DHX32: variants seen among roughly 807,000 people sequenced by gnomAD.
The protein encoded by DHX32 is putative pre-mRNA-splicing factor ATP-dependent RNA helicase DHX32.
A neutral mutation model predicts 70.0 loss-of-function variants in DHX32; 51 were observed. That is an observed-to-expected ratio of 0.73 (90% CI 0.58 to 0.92). The LOEUF is 0.92. Among genes scored for constraint, DHX32 ranks in the 40% least tolerant of loss-of-function variants. DHX32 has a pLI of 0.00. For synonymous variants in DHX32, 310 were observed against 315.3 expected, an observed-to-expected ratio of 0.98 and a Z score of 0.18; for missense variants, 762 against 891.8, an observed-to-expected ratio of 0.85 and a Z score of 1.85.
intron 6 of DHX32, among the ~76,000 whole-genome samples, chr10:125,851,936 A>G (rs915666719): frequency 5.9e-5 from 9 of 151,552 alleles, no homozygotes; most frequent in African/African-American, 1.9e-4. Context: ...AAAAAAAAAA[A>G]AAAAAGAAAA....
At chr10:125,853,930 C>A in intron 4 of DHX32, 31 bp downstream of exon 4, 1 of 1,595,546 alleles carries the variant, frequency 6.3e-7, no homozygotes, top group Non-Finnish European at 8.5e-7. Context: ...CAACGATCAG[C>A]AGTCTGTTTA....
intron 7 of DHX32, chr10:125,841,217 A>C: frequency 6.3e-7 from 1 of 1,591,838 alleles, no homozygotes. Context: ...TTCTAAGGTC[A>C]ACTGAATATG....
In DHX32 at chr10:125,848,446, A is replaced by C. The variant is rs988108531; in HGVS notation, c.1351+3847T>G. On this transcript the variant is annotated intron_variant, in intron 6 of 10. Coordinates refer to ENST00000284690, the MANE Select transcript of DHX32 (RefSeq NM_018180.3). ...CTAATTTTACAGATGAGAAAAAGAC[A>C]AGTGGCTTGCCAAAGCCACATGGCC... Among the ~76,000 whole-genome samples, 9 of 152,310 alleles carry C rather than the reference A, an allele frequency of 5.9e-5. No homozygotes were observed. The East Asian group carries it at 7.7e-4, about 13-fold the overall frequency.
At chr10:125,848,691 A>G (rs1944054117) in intron 6 of DHX32, among the ~76,000 whole-genome samples, 1 of 152,168 alleles carries the variant, frequency 6.6e-6, no homozygotes, top group Non-Finnish European at 1.5e-5. Flanking sequence ...TCTGCTTCTC[A>G]CACCCATTAA....
chr10:125,894,902 C>T (rs1401253568), intron 1 of DHX32, among the ~76,000 whole-genome samples: 1 of 152,296 alleles, frequency 6.6e-6, no homozygotes. Context: ...AGGAGTACTG[C>T]TGATCTTTAT....
intron 3 of DHX32, among the ~76,000 whole-genome samples, chr10:125,855,280 C>G (rs1245033035): frequency 6.6e-6 from 1 of 151,670 alleles, no homozygotes; most frequent in Admixed American, 6.6e-5. Context: ...GAGCTGCATC[C>G]CCTGAACCTG....
chr10:125,841,436 C>T (rs963180267), intron 7 of DHX32: 2 of 1,565,234 alleles, frequency 1.3e-6, no homozygotes, highest in African/African-American at 1.4e-5. Flanking sequence ...TGGGGAAAAA[C>T]ACCTCTAGTG....
chr10:125,840,923 A>G lies in DHX32; in HGVS notation c.1617T>C (p.His539=). 1.2e-6 allele frequency: 2 copies of G among 1,612,810 alleles called. No homozygotes were observed. The highest frequency in any genetic ancestry group is 1.3e-5 in the African/African-American group (1 of 75,048). The change falls in exon 8 of 11, where the codon CAT becomes CAC. Residue 539 remains histidine (H), a synonymous_variant. Transcript: ENST00000284690. The part of the protein sequence containing the change: ...AALTCWKTFL[H]PEGDHFTLIS... Reference sequence around the variant, plus strand: ...TGAGGGTAAAGTGATCTCCTTCGGGATGTAAAAATGTCTTCCAACAAGTCA... The same window carrying G: ...TGAGGGTAAAGTGATCTCCTTCGGGGTGTAAAAATGTCTTCCAACAAGTCA...
chr10:125,853,879 T>C, intron 4 of DHX32, 82 bp downstream of exon 4: 1 of 1,515,860 alleles, frequency 6.6e-7, no homozygotes, highest in Non-Finnish European at 8.9e-7. Context: ...CCTCACTTCC[T>C]GATCAGTAAA....
chr10:125,852,885 T>A (rs1252704420), intron 4 of DHX32, among the ~76,000 whole-genome samples: 1 of 152,246 alleles, frequency 6.6e-6, no homozygotes, highest in African/African-American at 2.4e-5. Context: ...GAGACCTTTG[T>A]GTCATCTGCT....
intron 1 of DHX32, among the ~76,000 whole-genome samples, chr10:125,887,637 G>C (rs75219952): frequency 6.6e-6 from 1 of 151,366 alleles, no homozygotes; most frequent in Non-Finnish European, 1.5e-5. Flanking sequence ...GTTTGTGTGT[G>C]TGTTTTTTTT....
chr10:125,836,777 C>T lies in DHX32; in HGVS notation c.2142G>A (p.Val714=), dbSNP rs751893829. 2 of 1,614,100 alleles carry T rather than the reference C, an allele frequency of 1.2e-6. No individual in the cohort carries two copies. Among genetic ancestry groups the T allele is most frequent in the East Asian group, 2.2e-5 (1 of 44,870 alleles). ...TTGTTGACACAGGGGATAGGTGATC[C>T]ACTACTTGCTGTAGAATGTCCTTAC... ...SESKDILQQV[V]DHLSPVSTMN... is the part of the protein sequence containing the mutation. The change falls in exon 11 of 11, where the codon GTG becomes GTA. Residue 714 remains valine, a synonymous_variant. Transcript: ENST00000284690.
At chr10:125,874,328 T>A (rs1944271918) in intron 1 of DHX32, among the ~76,000 whole-genome samples, 1 of 152,218 alleles carries the variant, frequency 6.6e-6, no homozygotes, top group South Asian at 2.1e-4. Flanking sequence ...TTAGGATAGA[T>A]CCATTTTCTT....
chr10:125,889,507 A>G (rs796869134), intron 1 of DHX32, among the ~76,000 whole-genome samples: 6 of 152,250 alleles, frequency 3.9e-5, no homozygotes, highest in African/African-American at 1.4e-4. Flanking sequence ...CAAGGTAAAG[A>G]GCTTGCACCA....
chr10:125,862,326 T>G (rs995090905), intron 2 of DHX32, among the ~76,000 whole-genome samples: 1 of 152,192 alleles, frequency 6.6e-6, no homozygotes, highest in Non-Finnish European at 1.5e-5. Flanking sequence ...AAATGAGCAG[T>G]GATAAATTGA....
chr10:125,872,445 A>T lies in DHX32; in HGVS notation c.283-5262T>A, dbSNP rs76294298. Among the ~76,000 whole-genome samples, 625 of 152,296 alleles carry T rather than the reference A, an allele frequency of 4.1e-3. 1 individual carries two copies. The highest frequency in any genetic ancestry group is 7.6e-3 in the Non-Finnish European group (519 of 68,022). On this transcript the variant is annotated intron_variant, in intron 1 of 10. Transcript: ENST00000284690. ...ATTCTGGGTCACTTTGTGACTGAGTACTTAGCAAAAGTTGCACAATATGGT... is the reference window on the plus strand; with the variant it reads ...ATTCTGGGTCACTTTGTGACTGAGTTCTTAGCAAAAGTTGCACAATATGGT...
intron 9 of DHX32, 55 bp from the exon 10 acceptor site, chr10:125,838,442 T>C: frequency 2.1e-6 from 3 of 1,435,114 alleles, no homozygotes; most frequent in Non-Finnish European, 1.9e-6. Context: ...GAGATCATTA[T>C]ACAAAGATGT....
chr10:125,852,572 C>T lies in DHX32; in HGVS notation c.1163G>A (p.Arg388His), dbSNP rs61757586. ...AGAAGATGAGCCAAGAATCTGCTTG[C>T]GTATCTCTGCCTGGCTCTGGCTGAT... ...QPISQSQAEIRKQILGSSSSG... is the reference protein window; with the variant it reads ...QPISQSQAEIHKQILGSSSSG... Residue 388 changes from arginine to histidine, a missense_variant, in exon 5 of 11, where the codon CGC becomes CAC. Transcript: ENST00000284690. 10 of 1,613,624 alleles carry T rather than the reference C, an allele frequency of 6.2e-6. No homozygotes were observed. The highest frequency in any genetic ancestry group is 8.5e-6 in the Non-Finnish European group (10 of 1,179,900).
chr10:125,868,075 C>CTAA (rs1944234504), intron 1 of DHX32, among the ~76,000 whole-genome samples: 1 of 152,166 alleles, frequency 6.6e-6, no homozygotes, highest in African/African-American at 2.4e-5. Context: ...ATAAACCCAT[C>CTAA]TAAATAAACC....
Sources: allele counts gnomAD v4.1 joint callset (sites outside exome capture counted in the v4.1 genomes callset), GRCh38; gene constraint gnomAD v4.1.1; transcripts MANE v1.5; gene names NCBI Gene and HGNC (gene_info 2026-07-23, HGNC 2026-07-21).